Variants in MROH6 observed in about 807,000 individuals in gnomAD.
MROH6 encodes the protein maestro heat-like repeat-containing protein family member 6.
A neutral mutation model predicts 67.7 loss-of-function variants in MROH6; 62 were observed. The ratio of observed to expected loss-of-function variants is 0.92; its 90% CI spans 0.75 to 1.13. The LOEUF (loss-of-function observed/expected upper bound fraction) is 1.13. MROH6 is among the 50% of genes most tolerant of loss of function. The pLI, the probability that MROH6 is intolerant of heterozygous loss-of-function variation, is 0.00. For synonymous variants in MROH6, 566 were observed against 470.8 expected, an observed-to-expected ratio of 1.20 and a Z score of -2.62; for missense variants, 1,175 against 1,029.1, an observed-to-expected ratio of 1.14 and a Z score of -1.94.
At position 143,570,608 on chromosome 8, in the gene MROH6, G is replaced by A; in HGVS notation, c.770C>T (p.Ala257Val). The A allele has an allele frequency of 6.2e-7, 1 of 1,602,068 alleles. No homozygotes were observed. The highest frequency in any genetic ancestry group is 8.5e-7 in the Non-Finnish European group (1 of 1,179,692). The change falls in exon 5 of 14, where the codon GCC becomes GTC. Residue 257 changes from alanine (A) to valine (V), a missense_variant. Ala to Val is a moderately conservative substitution (Grantham distance 64, BLOSUM62 0). Coordinates refer to ENST00000398882, the MANE Select transcript of MROH6 (RefSeq NM_001100878.2). The part of the protein sequence containing the change: ...EMLAVSGCVG[A>V]TRGFYPHLLL... ...CAGATGTGGGTAGAAGCCCCTCGTGGCTCCCACGCAGCCCGAAACAGCCAG... is the reference window on the plus strand; with the variant it reads ...CAGATGTGGGTAGAAGCCCCTCGTGACTCCCACGCAGCCCGAAACAGCCAG...
At chr8:143,570,440 G>A (rs934868984) in intron 5 of MROH6, 33 bp downstream of exon 5, 7 of 1,201,954 alleles carry the variant, frequency 5.8e-6, no homozygotes, top group Admixed American at 2.1e-5. Flanking sequence ...CAGCATGCTG[G>A]CCCGCCCCAC....
intron 8 of MROH6, 40 bp from the exon 9 acceptor site, chr8:143,569,654 C>T (rs1250208337): frequency 6.3e-7 from 1 of 1,598,272 alleles, no homozygotes; most frequent in Non-Finnish European, 8.5e-7. Flanking sequence ...GACCTCGCCG[C>T]GACCGGGCCA....
chr8:143,568,454 T>C (rs1322541984), intron 10 of MROH6, 98 bp downstream of exon 10: 1 of 1,449,926 alleles, frequency 6.9e-7, no homozygotes, highest in African/African-American at 1.4e-5. Flanking sequence ...GTCCTTGGGA[T>C]GGGTGAGTCC....
intron 9 of MROH6, 141 bp downstream of exon 9, chr8:143,569,300 G>A: frequency 2.0e-6 from 1 of 501,774 alleles, no homozygotes. Flanking sequence ...CTGGGAGGGA[G>A]AGACTGGAAG....
chr8:143,568,520 A>T (rs1291550098), intron 10 of MROH6, 32 bp downstream of exon 10: 1 of 1,502,206 alleles, frequency 6.7e-7, no homozygotes, highest in Admixed American at 2.2e-5. Flanking sequence ...GTTGGATGGC[A>T]TAGGGGTGGG....
intron 2 of MROH6, 96 bp downstream of exon 2, chr8:143,571,937 G>T: frequency 6.7e-7 from 1 of 1,481,874 alleles, no homozygotes; most frequent in Non-Finnish European, 9.0e-7. Context: ...GCAGCCTGAA[G>T]ATGGCAGGGT....
chr8:143,570,686 G>A, intron 4 of MROH6, 29 bp from the exon 5 acceptor site: 1 of 1,573,380 alleles, frequency 6.4e-7, no homozygotes, highest in Non-Finnish European at 8.6e-7. Context: ...ACTCAGGCCT[G>A]GGGCACGCCT....
chr8:143,571,056 G>A (rs1824007641), intron 3 of MROH6, 62 bp from the exon 4 acceptor site: 2 of 1,402,682 alleles, frequency 1.4e-6, no homozygotes, highest in African/African-American at 2.9e-5. Flanking sequence ...GGAATGTAGG[G>A]AGTCCCCAGC....
Position 143,572,446 on chromosome 8 carries a change from T to C in MROH6, c.269A>G (p.Glu90Gly). 1 of 1,593,586 alleles carries C rather than the reference T, an allele frequency of 6.3e-7. No individual in the cohort carries two copies. The change falls in exon 1 of 14, where the codon GAA (glutamate) becomes GGA (glycine). Residue 90 changes from glutamate (E) to glycine (G), a missense_variant. Coordinates refer to ENST00000398882, the MANE Select transcript of MROH6 (RefSeq NM_001100878.2). Reference protein sequence around the residue: ...SEPCSLNSALEPAPEGPHQVP... With the variant: ...SEPCSLNSALGPAPEGPHQVP... ...CTGGTGGGGCCCCTCAGGGGCTGGT[T>C]CCAGGGCACTGTTGAGGGAGCAGGG... is the stretch of plus-strand genomic sequence containing the variant.
Position 143,570,259 on chromosome 8 carries a change from C to A in MROH6, c.1027G>T (p.Val343Phe). 2.5e-6 allele frequency: 4 copies of A among 1,583,348 alleles called. No individual in the cohort carries two copies. Among genetic ancestry groups the A allele is most frequent in the Non-Finnish European group, 3.4e-6 (4 of 1,167,042 alleles). Reference protein sequence around the residue: ...LVGAHTHLEGVLLLASAMVAH... With the variant: ...LVGAHTHLEGFLLLASAMVAH... ...CCTCCTCACCTGGCCAGCAGCAGGA[C>A]GCCCTCCAGGTGGGTGTGGGCTCCC... The change falls in exon 6 of 14, where the codon GTC becomes TTC. Residue 343 changes from valine (V) to phenylalanine (F), a missense_variant. Transcript: ENST00000398882.
intron 9 of MROH6, 107 bp downstream of exon 9, chr8:143,569,334 G>A (rs1200737510): frequency 1.1e-6 from 1 of 909,036 alleles, no homozygotes; most frequent in African/African-American, 2.1e-5. Context: ...CTGAGAGGGC[G>A]GGGCCTGGGC....
Position 143,567,415 on chromosome 8 carries a change from GCGCTGC to G in MROH6, c.1978_1983del (p.Ala660_Ala661del). On this transcript the variant is annotated inframe_deletion, in exon 14 of 14. Coordinates refer to ENST00000398882, the MANE Select transcript of MROH6 (RefSeq NM_001100878.2). The stretch of plus-strand genomic sequence containing the variant: ...ATCGCCACCTGCTGAGCGGACACGT[GCGCTGC>G]CGCGGCCACAGCCGGCTTGGGGTCG... 1 of 1,318,554 alleles carries G rather than the reference GCGCTGC, an allele frequency of 7.6e-7. No homozygotes were observed. Among genetic ancestry groups the G allele is most frequent in the Non-Finnish European group, 9.7e-7 (1 of 1,033,644 alleles). 81.7% of individuals were successfully genotyped at this position (1,318,554 alleles called of 1,614,324 possible).
chr8:143,570,768 A>T, intron 4 of MROH6, 109 bp downstream of exon 4: 3 of 1,413,790 alleles, frequency 2.1e-6, no homozygotes, highest in Non-Finnish European at 2.9e-6. Flanking sequence ...CACGCATGGG[A>T]CATTCCAGGA....
Position 143,570,472 on chromosome 8 carries a change from C to G in MROH6, c.905+1G>C, listed in dbSNP as rs754722785. 2.5e-6 allele frequency: 4 copies of G among 1,611,160 alleles called. No individual in the cohort carries two copies. The highest frequency in any genetic ancestry group is 3.4e-6 in the Non-Finnish European group (4 of 1,178,446). ...CCACGTAACCTGGTGTTGCCTCTCA[C>G]CTGGCATGGCTATGTGGTGGCCCTC... On this transcript the variant is annotated splice_donor_variant, in intron 5 of 13. Transcript: ENST00000398882. LOFTEE classifies it high-confidence loss of function.
At position 143,572,149 on chromosome 8, in the gene MROH6, C is replaced by G; in HGVS notation, c.331G>C (p.Asp111His). ...CAGGCAGCCGTGTACAACGCGAGGT[C>G]GGCAAGAACTCCCTCCTCCCAGGAA... is the stretch of plus-strand genomic sequence containing the variant. ...QSSWEEGVLA[D>H]LALYTAACLE... Residue 111 changes from aspartate to histidine, a missense_variant, in exon 2 of 14, where the codon GAC becomes CAC. Coordinates refer to ENST00000398882, the MANE Select transcript of MROH6 (RefSeq NM_001100878.2). 6 of 1,613,068 alleles carry G rather than the reference C, an allele frequency of 3.7e-6. No individual in the cohort carries two copies. The highest frequency in any genetic ancestry group is 5.1e-6 in the Non-Finnish European group (6 of 1,179,878).
At chr8:143,568,793 G>A (rs1389033890) in intron 9 of MROH6, 74 bp from the exon 10 acceptor site, 5 of 1,209,606 alleles carry the variant, frequency 4.1e-6, no homozygotes, top group South Asian at 1.6e-5. Flanking sequence ...CGGCCAGCGC[G>A]GAGCGAGGAA....
chr8:143,572,533 A>G lies in MROH6; in HGVS notation c.182T>C (p.Leu61Pro). ...AGGCTCTGCCTCAGAGGGGGCGGTG[A>G]GTGCCTGGGTCTGTGGCTCAGCCTC... ...KPEAEPQTQA[L>P]TAPSEAEPGR... The change falls in exon 1 of 14, where the codon CTC (leucine) becomes CCC (proline). Residue 61 changes from leucine to proline, a missense_variant. Coordinates refer to ENST00000398882, the MANE Select transcript of MROH6 (RefSeq NM_001100878.2). 6.2e-7 allele frequency: 1 copy of G among 1,606,524 alleles called. No individual in the cohort carries two copies. The highest frequency in any genetic ancestry group is 8.5e-7 in the Non-Finnish European group (1 of 1,177,434).
In MROH6 at chr8:143,570,572, A is replaced by C. The variant is rs1587021012; in HGVS notation, c.806T>G (p.Leu269Arg). The C allele has an allele frequency of 6.2e-7, 1 of 1,607,866 alleles. No homozygotes were observed. Among genetic ancestry groups the C allele is most frequent in the Non-Finnish European group, 8.5e-7 (1 of 1,179,808 alleles). ...RGFYPHLLLA[L>R]VTQLHKLARS... ...GGCCAGCTTGTGCAGCTGTGTGACC[A>C]GCGCAAGCAGCAGATGTGGGTAGAA... Residue 269 changes from leucine (L) to arginine (R), a missense_variant, in exon 5 of 14, where the codon CTG becomes CGG. Leu to Arg is a moderately radical substitution (Grantham distance 102). Transcript: ENST00000398882.
chr8:143,571,782 T>G lies in MROH6; in HGVS notation c.487A>C (p.Ser163Arg), dbSNP rs764673457. The G allele has an allele frequency of 1.7e-5, 26 of 1,547,712 alleles. No homozygotes were observed. Among genetic ancestry groups the G allele is most frequent in the Non-Finnish European group, 2.3e-5 (26 of 1,147,840 alleles). Residue 163 changes from serine to arginine, a missense_variant, in exon 3 of 14, where the codon AGC becomes CGC. Transcript: ENST00000398882. ...CTCCAGGGCCTCCCCTCCGCTAGGC[T>G]GGGCACCTGCGCCAGCAGCCCACGC... Reference protein sequence around the residue: ...LVRGLLAQVPSLAEGRPWRAA... With the variant: ...LVRGLLAQVPRLAEGRPWRAA...
Sources: gnomAD v4.1 joint callset for allele counts on GRCh38, gnomAD v4.1.1 for gene constraint, MANE v1.5 for transcripts, NCBI Gene and HGNC (gene_info 2026-07-23, HGNC 2026-07-21) for gene names.